Variants in PCDH15 observed in about 807,000 individuals in gnomAD.
The protein encoded by PCDH15 is protocadherin related 15.
In PCDH15, 129 loss-of-function variants were observed where a neutral mutation model predicts 178.5. The ratio of observed to expected loss-of-function variants is 0.72; its 90% CI spans 0.63 to 0.84. The LOEUF is 0.84. Ranked by LOEUF, PCDH15 falls within the 40% of genes least tolerant of loss-of-function variation. The probability of loss-of-function intolerance (pLI) is 0.00; values close to 1 mark genes in which losing one functional copy is unlikely to be tolerated. For synonymous variants in PCDH15, 800 were observed against 732.0 expected, an observed-to-expected ratio of 1.09 and a Z score of -1.50; for missense variants, 2,230 against 2,099.9, an observed-to-expected ratio of 1.06 and a Z score of -1.21.
At chr10:55,256,898 G>A (rs1463131541) in intron 1 of PCDH15, among the ~76,000 whole-genome samples, 2 of 152,160 alleles carry the variant, frequency 1.3e-5, no homozygotes, top group Non-Finnish European at 2.9e-5. Context: ...GTACGCAGCT[G>A]GAGATCTGAG....
intron 23 of PCDH15, among the ~76,000 whole-genome samples, chr10:53,945,837 GTATATA>G (rs56389905): frequency 0.036 from 4,284 of 118,830 alleles, 106 homozygotes; most frequent in African/African-American, 0.04. Flanking sequence ...ATATTTCATT[GTATATA>G]TATATATATA....
chr10:54,785,219 A>AG (rs1354125099), intron 1 of PCDH15, among the ~76,000 whole-genome samples: 1 of 152,070 alleles, frequency 6.6e-6, no homozygotes. Flanking sequence ...GTGATCAGAA[A>AG]AAAAAAATAA....
chr10:54,335,655 C>T (rs1028080510), intron 6 of PCDH15, among the ~76,000 whole-genome samples: 3 of 152,062 alleles, frequency 2.0e-5, no homozygotes, highest in Admixed American at 6.5e-5. Flanking sequence ...CTTTTGCCTC[C>T]CACCAAGATT....
At chr10:54,478,693 TAAC>T (rs1336417736) in intron 3 of PCDH15, among the ~76,000 whole-genome samples, 1 of 152,116 alleles carries the variant, frequency 6.6e-6, no homozygotes. Context: ...GGAGCAAACT[TAAC>T]AAGCAATTTA....
intron 11 of PCDH15, among the ~76,000 whole-genome samples, chr10:54,192,087 C>A (rs1378953272): frequency 9.4e-5 from 9 of 96,164 alleles, no homozygotes; most frequent in South Asian, 3.4e-4. Context: ...AAGAAAGAAA[C>A]AAAGGAAGGA....
At chr10:54,225,338 A>G (rs371764363) in intron 9 of PCDH15, among the ~76,000 whole-genome samples, 9 of 152,330 alleles carry the variant, frequency 5.9e-5, no homozygotes, top group African/African-American at 1.9e-4. Flanking sequence ...AAATTCAGAA[A>G]CTATGTTATT....
At position 54,165,984 on chromosome 10, in the gene PCDH15, G is replaced by A. The variant is rs533712279; in HGVS notation, c.1591-12691C>T. 1.4e-3 allele frequency among the ~76,000 whole-genome samples: 206 copies of A among 152,246 alleles called. 1 individual carries two copies. The highest frequency in any genetic ancestry group is 6.8e-3 in the Middle Eastern group (2 of 294). On this transcript the variant is annotated intron_variant, in intron 13 of 37. Transcript: ENST00000644397. ...CATAAAAATACTTTACAAAAGTACA[G>A]AAAAGCCTGTCATGACAAAGGGGCT...
At chr10:55,413,103 A>AT (rs1479138934) in intron 2 of PCDH15, among the ~76,000 whole-genome samples, 2 of 151,892 alleles carry the variant, frequency 1.3e-5, no homozygotes, top group African/African-American at 2.4e-5. Context: ...CATATAGGGT[A>AT]TATGTTAATA....
chr10:54,886,856 C>G (rs1329504891), intron 3 of PCDH15, among the ~76,000 whole-genome samples: 4 of 152,216 alleles, frequency 2.6e-5, no homozygotes, highest in African/African-American at 9.6e-5. Context: ...TAGGCTTTTG[C>G]CATTTCTGTC....
At chr10:54,307,135 T>C (rs2060603871) in intron 8 of PCDH15, among the ~76,000 whole-genome samples, 1 of 82,714 alleles carries the variant, frequency 1.2e-5, no homozygotes. Context: ...TATATATATA[T>C]ATATATATAT....
chr10:53,977,929 A>C (rs1339021926), intron 21 of PCDH15, among the ~76,000 whole-genome samples: 1 of 152,200 alleles, frequency 6.6e-6, no homozygotes, highest in Non-Finnish European at 1.5e-5. Context: ...TATCATATCC[A>C]GGTCTCACTG....
intron 13 of PCDH15, among the ~76,000 whole-genome samples, chr10:54,169,419 A>G (rs1429713583): frequency 4.4e-5 from 6 of 136,872 alleles, no homozygotes; most frequent in Non-Finnish European, 8.1e-5. Flanking sequence ...CCAGGCTTCT[A>G]AACCTCTGAA....
At chr10:54,311,078 C>G (rs547884008) in intron 8 of PCDH15, among the ~76,000 whole-genome samples, 1 of 152,104 alleles carries the variant, frequency 6.6e-6, no homozygotes, top group East Asian at 1.9e-4. Context: ...CTGTTTTTGA[C>G]ATGAAAGCTA....
At chr10:54,326,082 C>T (rs954164251) in intron 7 of PCDH15, among the ~76,000 whole-genome samples, 4 of 151,960 alleles carry the variant, frequency 2.6e-5, no homozygotes, top group Non-Finnish European at 4.4e-5. Flanking sequence ...GATAAGTAGC[C>T]CTGATTTGTA....
rs572972915 is a variant in PCDH15 at position 54,283,615 on chromosome 10, T to C, written c.876+33656A>G. 1.7e-3 allele frequency among the ~76,000 whole-genome samples: 262 copies of C among 152,076 alleles called. 1 individual carries two copies. The highest frequency in any genetic ancestry group is 6.1e-3 in the African/African-American group (253 of 41,502). On this transcript the variant is annotated intron_variant, in intron 8 of 37. Transcript: ENST00000644397. Reference sequence around the variant, plus strand: ...CATGTATTTATTACAATAAGCAAAATATTGACTAATAAAAACACAAGAAAG... The same window carrying C: ...CATGTATTTATTACAATAAGCAAAACATTGACTAATAAAAACACAAGAAAG...
In PCDH15 at chr10:55,412,138, A is replaced by T. The variant is rs188798884; in HGVS notation, c.-156+215487T>A. On this transcript the variant is annotated intron_variant, in intron 2 of 5. Transcript: ENST00000613346. ...AAAGAATCAAACGGATGAGGGCTTT[A>T]TGAAATTCTTGGACTGAGCTTCTTA... Among the ~76,000 whole-genome samples the T allele has an allele frequency of 9.1e-4, 139 of 152,178 alleles. 1 individual carries two copies. The highest frequency in any genetic ancestry group is 1.7e-3 in the Non-Finnish European group (113 of 68,002).
rs746255885 is a variant in PCDH15, at chr10:55,240,074, T to C, written c.-155-73423A>G. On this transcript the variant is annotated intron_variant, in intron 1 of 5. Coordinates refer to the PCDH15 transcript ENST00000458638. ...AGGAAGCGGAACCCTTGTACACTGTTGATGGAAATGCAAATTAGTATACCC... is the reference window on the plus strand; with the variant it reads ...AGGAAGCGGAACCCTTGTACACTGTCGATGGAAATGCAAATTAGTATACCC... Among the ~76,000 whole-genome samples, 121 of 152,266 alleles carry C rather than the reference T, an allele frequency of 7.9e-4. 1 individual carries two copies. Among genetic ancestry groups the C allele is most frequent in the Middle Eastern group, 6.8e-3 (2 of 294 alleles).
intron 18 of PCDH15, among the ~76,000 whole-genome samples, chr10:54,028,944 T>TAA (rs201729733): frequency 4.1e-5 from 6 of 145,076 alleles, no homozygotes; most frequent in East Asian, 2.0e-4. Context: ...ATAATAATAA[T>TAA]AAAAAAAAGA....
chr10:54,907,637 T>C (rs531645291), intron 2 of PCDH15, among the ~76,000 whole-genome samples: 42 of 152,208 alleles, frequency 2.8e-4, no homozygotes, highest in African/African-American at 9.6e-4. Context: ...AATACAATGT[T>C]CTCCAAAAAA....
Sources: allele counts gnomAD v4.1 joint callset (sites outside exome capture counted in the v4.1 genomes callset), GRCh38; gene constraint gnomAD v4.1.1; transcripts MANE v1.5; gene names NCBI Gene and HGNC (gene_info 2026-07-23, HGNC 2026-07-21).